TMEM255B: variants seen among roughly 807,000 people sequenced by gnomAD.
TMEM255B encodes the protein transmembrane protein 255B, also known as family with sequence similarity 70, member B.
TMEM255B carries 35 observed loss-of-function variants against 34.5 expected under a neutral mutation model. The observed-to-expected ratio is 1.01, with a 90% confidence interval of 0.77 to 1.34. The LOEUF is 1.34. Among genes scored for constraint, TMEM255B ranks in the 40% most tolerant of loss-of-function variants. The pLI is 0.00. For missense variants in TMEM255B, 432 were observed against 433.2 expected, an observed-to-expected ratio of 1.00 and a Z score of 0.02; for synonymous variants, 206 against 201.2, an observed-to-expected ratio of 1.02 and a Z score of -0.20.
intron 8 of TMEM255B, among the ~76,000 whole-genome samples, chr13:113,805,555 G>A (rs1161625086): frequency 1.3e-5 from 2 of 152,212 alleles, no homozygotes; most frequent in African/African-American, 4.8e-5. Flanking sequence ...CCACTCCTGG[G>A]CATGACCGCC....
chr13:113,765,858 C>T (rs1476553549), intron 1 of TMEM255B, among the ~76,000 whole-genome samples: 1 of 152,232 alleles, frequency 6.6e-6, no homozygotes, highest in Admixed American at 6.5e-5. Context: ...TTCTAGTTTG[C>T]TTTCTTGAGT....
intron 4 of TMEM255B, among the ~76,000 whole-genome samples, chr13:113,796,707 C>G (rs563594695): frequency 2.6e-4 from 40 of 152,348 alleles, no homozygotes; most frequent in Non-Finnish European, 5.0e-4. Context: ...CCTGGGTGGG[C>G]TCTCGCCATC....
In TMEM255B at chr13:113,769,331, G is replaced by T. The variant is rs1317815688; in HGVS notation, c.252+171G>T. On this transcript the variant is annotated intron_variant, in intron 3 of 8. Transcript: ENST00000375353. This position sits in a 1 kb window ranked among gnomAD's most constrained non-coding sequence, Gnocchi z 4.2. ...TGCACAGTCCTGGATACAGGGTTCA[G>T]CGAGTACCATTCACACCTTAGTCTA... is the stretch of plus-strand genomic sequence containing the variant. Among the ~76,000 whole-genome samples the T allele has an allele frequency of 1.3e-5, 2 of 152,186 alleles. No homozygotes were observed. Among genetic ancestry groups the T allele is most frequent in the Non-Finnish European group, 2.9e-5 (2 of 68,044 alleles).
At position 113,796,983 on chromosome 13, in the gene TMEM255B, G is replaced by A. The variant is rs577981666; in HGVS notation, c.342+1746G>A. On this transcript the variant is annotated intron_variant, in intron 4 of 8. Transcript: ENST00000375353. ...CACACACACACTCCCACGGAGGTGC[G>A]TCATGGGAGCTTTCTCAGCGGGTGG... is the stretch of plus-strand genomic sequence containing the variant. Among the ~76,000 whole-genome samples, 12 of 152,328 alleles carry A rather than the reference G, an allele frequency of 7.9e-5. No homozygotes were observed. In the South Asian group the frequency reaches 1.7e-3, roughly 21 times the overall value.
intron 6 of TMEM255B, 55 bp downstream of exon 6, chr13:113,800,967 G>A (rs2051046286): frequency 8.6e-7 from 1 of 1,164,726 alleles, no homozygotes; most frequent in Non-Finnish European, 1.2e-6. Context: ...AGGGGCGCTG[G>A]GGACCCCCGT....
intron 3 of TMEM255B, among the ~76,000 whole-genome samples, chr13:113,789,679 C>T (rs1023617397): frequency 6.6e-6 from 1 of 152,236 alleles, no homozygotes; most frequent in Non-Finnish European, 1.5e-5. Context: ...TTCTGGCTGT[C>T]CTAGTGCTGA....
At chr13:113,767,528 G>A (rs1462984907) in intron 2 of TMEM255B, among the ~76,000 whole-genome samples, 1 of 152,254 alleles carries the variant, frequency 6.6e-6, no homozygotes, top group Non-Finnish European at 1.5e-5. Flanking sequence ...TTTAAGAGCT[G>A]CCTCAGAATA....
chr13:113,801,195 A>G (rs1210978440), intron 6 of TMEM255B, among the ~76,000 whole-genome samples: 2 of 152,214 alleles, frequency 1.3e-5, no homozygotes, highest in Non-Finnish European at 2.9e-5. Context: ...CACAGATGAA[A>G]AGACAGAGGC....
intron 3 of TMEM255B, among the ~76,000 whole-genome samples, chr13:113,774,486 G>A (rs891790606): frequency 9.2e-5 from 14 of 151,924 alleles, no homozygotes; most frequent in African/African-American, 2.2e-4. Context: ...TGTGCCCCAC[G>A]TATGTGCACA....
intron 3 of TMEM255B, among the ~76,000 whole-genome samples, chr13:113,793,969 C>T (rs1035991188): frequency 7.2e-5 from 11 of 152,360 alleles, no homozygotes; most frequent in Admixed American, 6.5e-4. Context: ...GATGGGAATG[C>T]GTCCCACCTG....
chr13:113,761,401 T>G, intron 1 of TMEM255B: 1 of 983,366 alleles, frequency 1.0e-6, no homozygotes, highest in Non-Finnish European at 1.2e-6. Flanking sequence ...CAGCTAAGGC[T>G]GGGGAAGGAG....
chr13:113,787,246 T>C (rs1371864815), intron 3 of TMEM255B, among the ~76,000 whole-genome samples: 1 of 152,254 alleles, frequency 6.6e-6, no homozygotes, highest in Admixed American at 6.5e-5. Context: ...GCCAACGGTC[T>C]GGATTTTAAT....
intron 4 of TMEM255B, among the ~76,000 whole-genome samples, chr13:113,797,146 C>A (rs2050957279): frequency 6.6e-6 from 1 of 151,806 alleles, no homozygotes; most frequent in Non-Finnish European, 1.5e-5. Flanking sequence ...GGACCTCGGG[C>A]GCCTGTCCAT....
intron 3 of TMEM255B, among the ~76,000 whole-genome samples, chr13:113,772,753 C>CTTTATTTTAATCTATATAA (rs1321982130): frequency 2.0e-5 from 3 of 152,192 alleles, no homozygotes; most frequent in African/African-American, 7.2e-5. Context: ...TAATTCTATT[C>CTTTATTTTAATCTATATAA]TTTTAATCTA....
At chr13:113,802,250 C>A (rs1304097287) in intron 7 of TMEM255B, among the ~76,000 whole-genome samples, 2 of 152,192 alleles carry the variant, frequency 1.3e-5, no homozygotes, top group Admixed American at 6.5e-5. Context: ...AGGGAAGGGG[C>A]CCCTCGCGGG....
At chr13:113,787,280 A>G (rs2050760847) in intron 3 of TMEM255B, among the ~76,000 whole-genome samples, 1 of 152,198 alleles carries the variant, frequency 6.6e-6, no homozygotes. Context: ...TTTATCACTT[A>G]TTTATTAGCA....
At chr13:113,795,343 G>A (rs111237398) in intron 4 of TMEM255B, 106 bp downstream of exon 4, 47 of 1,205,300 alleles carry the variant, frequency 3.9e-5, no homozygotes, top group African/African-American at 2.2e-4. Context: ...CGGCTTCACC[G>A]TCAGTCTCCA....
rs1004026785 is a variant in TMEM255B, at chr13:113,761,316, G to A, written c.46+2001G>A. The A allele has an allele frequency of 5.1e-6, 5 of 985,142 alleles. No individual in the cohort carries two copies. The African/African-American group carries it at 8.7e-5, about 17-fold the overall frequency. 61.0% of individuals were successfully genotyped at this position (985,142 alleles called of 1,614,324 possible). A position where few individuals can be genotyped will look rare whatever the true frequency, so the allele number is the denominator to read the frequency against. On this transcript the variant is annotated intron_variant, in intron 1 of 8. Transcript: ENST00000375353. Reference sequence around the variant, plus strand: ...AGGAAATGGGTCTGAGGGGCAGGAAGAACCTGACCTCCAGCCTCGCGTGTC... The same window carrying A: ...AGGAAATGGGTCTGAGGGGCAGGAAAAACCTGACCTCCAGCCTCGCGTGTC...
chr13:113,810,348 A>G (rs1291159493), intron 8 of TMEM255B, among the ~76,000 whole-genome samples: 1 of 152,194 alleles, frequency 6.6e-6, no homozygotes, highest in East Asian at 1.9e-4. Context: ...TTTAAGGGGA[A>G]AAAAAGAAAA....
Sources: allele counts gnomAD v4.1 joint callset (sites outside exome capture counted in the v4.1 genomes callset), GRCh38; gene constraint gnomAD v4.1.1; non-coding constraint Gnocchi (gnomAD v3.1); transcripts MANE v1.5; gene names NCBI Gene and HGNC (gene_info 2026-07-23, HGNC 2026-07-21).